Variants in RB1CC1 observed in about 807,000 individuals in gnomAD.
RB1CC1 encodes the protein RB1 inducible coiled-coil 1, also known as RB1-inducible coiled-coil protein 1.
A neutral mutation model predicts 177.5 loss-of-function variants in RB1CC1; 46 were observed. The ratio of observed to expected loss-of-function variants is 0.26; its 90% confidence interval spans 0.20 to 0.33. The LOEUF (loss-of-function observed/expected upper bound fraction) is 0.33. RB1CC1 is among the 10% of genes least tolerant of loss of function. RB1CC1 has a pLI of 1.00. For synonymous variants in RB1CC1, 666 were observed against 613.6 expected, an observed-to-expected ratio of 1.09 and a Z score of -1.26; for missense variants, 1,703 against 1,816.3, an observed-to-expected ratio of 0.94 and a Z score of 1.13.
intron 1 of RB1CC1, among the ~76,000 whole-genome samples, chr8:52,703,867 A>T (rs1382070018): frequency 6.6e-6 from 1 of 151,456 alleles, no homozygotes; most frequent in Non-Finnish European, 1.5e-5. Context: ...AACCATGGAT[A>T]AGGACTACGG....
chr8:52,696,759 T>TG (rs1286038073), intron 1 of RB1CC1, among the ~76,000 whole-genome samples: 1 of 152,162 alleles, frequency 6.6e-6, no homozygotes, highest in East Asian at 1.9e-4. Flanking sequence ...TTCTAGCACT[T>TG]TGGGAGGCCT....
At chr8:52,625,539 T>C (rs1848326669) in intron 22 of RB1CC1, among the ~76,000 whole-genome samples, 1 of 152,186 alleles carries the variant, frequency 6.6e-6, no homozygotes, top group South Asian at 2.1e-4. Context: ...GCCTTTCAAC[T>C]TATGATAAGG....
intron 15 of RB1CC1, among the ~76,000 whole-genome samples, chr8:52,653,328 T>C (rs954786106): frequency 5.1e-4 from 78 of 152,280 alleles, no homozygotes; most frequent in Admixed American, 5.0e-3. Flanking sequence ...AGAGGCCAGT[T>C]AGTGGCACTT....
At chr8:52,625,318 A>T (rs1208493777) in intron 22 of RB1CC1, among the ~76,000 whole-genome samples, 2 of 152,162 alleles carry the variant, frequency 1.3e-5, no homozygotes, top group African/African-American at 4.8e-5. Context: ...CAATAAATTA[A>T]TAAGGGCTAA....
chr8:52,677,473 G>A (rs554588701), intron 5 of RB1CC1, among the ~76,000 whole-genome samples: 22 of 152,248 alleles, frequency 1.4e-4, no homozygotes, highest in African/African-American at 5.3e-4. Flanking sequence ...CTAAGGTAAG[G>A]AAGGAGGAAT....
chr8:52,708,500 G>C (rs1293113168), intron 1 of RB1CC1, among the ~76,000 whole-genome samples: 1 of 151,748 alleles, frequency 6.6e-6, no homozygotes. Flanking sequence ...CTGGGCAACA[G>C]AGCGAGACTC....
Position 52,637,184 on chromosome 8 carries a change from C to T in RB1CC1, c.4338-1115G>A, listed in dbSNP as rs187793585. 9.9e-5 allele frequency among the ~76,000 whole-genome samples: 15 copies of T among 152,242 alleles called. No homozygotes were observed. In the East Asian group the frequency reaches 1.7e-3, roughly 18 times the overall value. Reference sequence around the variant, plus strand: ...TTTGGGGAGGGCTACCATCTTAAGGCGATTAAGTCTTCCAGTCAGTAAACA... The same window carrying T: ...TTTGGGGAGGGCTACCATCTTAAGGTGATTAAGTCTTCCAGTCAGTAAACA... On this transcript the variant is annotated intron_variant, in intron 18 of 23. Coordinates refer to ENST00000025008, the MANE Select transcript of RB1CC1 (RefSeq NM_014781.5).
intron 8 of RB1CC1, 31 bp from the exon 9 acceptor site, chr8:52,661,750 T>C: frequency 6.7e-7 from 1 of 1,481,652 alleles, no homozygotes; most frequent in Non-Finnish European, 9.0e-7. Flanking sequence ...CAAAGGACAT[T>C]AATTTTGTTT....
At chr8:52,693,189 A>C (rs1230524437) in intron 1 of RB1CC1, among the ~76,000 whole-genome samples, 1 of 152,234 alleles carries the variant, frequency 6.6e-6, no homozygotes, top group Non-Finnish European at 1.5e-5. Context: ...TACCTAGGCA[A>C]TACCATTCAG....
chr8:52,640,144 T>C (rs1366744000), intron 18 of RB1CC1, among the ~76,000 whole-genome samples: 1 of 152,270 alleles, frequency 6.6e-6, no homozygotes, highest in East Asian at 1.9e-4. Context: ...TAACTCAATT[T>C]TCATATTTAT....
intron 15 of RB1CC1, among the ~76,000 whole-genome samples, chr8:52,650,555 T>C (rs556650277): frequency 7.4e-4 from 112 of 152,262 alleles, no homozygotes; most frequent in African/African-American, 2.6e-3. Flanking sequence ...TCATGTAAAC[T>C]CTAAATCTAG....
chr8:52,674,287 A>C lies in RB1CC1; in HGVS notation c.573-13T>G. 1 of 1,567,758 alleles carries C rather than the reference A, an allele frequency of 6.4e-7. No individual in the cohort carries two copies. Among genetic ancestry groups the C allele is most frequent in the Non-Finnish European group, 8.8e-7 (1 of 1,139,504 alleles). ...TGCAGTTCCTAAACTTAAAATACAA[A>C]AGATCTGTCAGTAAAACTATGAGAC... On this transcript the variant is annotated splice_polypyrimidine_tract_variant and intron_variant, in intron 6 of 23. Transcript: ENST00000025008.
chr8:52,630,845 T>C (rs1460227623), intron 20 of RB1CC1, among the ~76,000 whole-genome samples: 3 of 152,184 alleles, frequency 2.0e-5, no homozygotes, highest in Non-Finnish European at 4.4e-5. Context: ...ATCTTTCATT[T>C]TGGAAAAACA....
At chr8:52,654,930 A>G (rs937257240) in intron 15 of RB1CC1, among the ~76,000 whole-genome samples, 4 of 152,150 alleles carry the variant, frequency 2.6e-5, no homozygotes, top group Non-Finnish European at 4.4e-5. Flanking sequence ...TTCATGCTGT[A>G]TTCAGAATTG....
intron 15 of RB1CC1, among the ~76,000 whole-genome samples, chr8:52,652,302 T>TA (rs1053515919): frequency 6.6e-6 from 1 of 151,908 alleles, no homozygotes; most frequent in Non-Finnish European, 1.5e-5. Context: ...CCATCTCTAC[T>TA]AAAAATACAA....
In RB1CC1 at chr8:52,624,779, C is replaced by A; in HGVS notation, c.4645G>T (p.Ala1549Ser). The change falls in exon 23 of 24, where the codon GCA becomes TCA. Residue 1549 changes from alanine (A) to serine (S), a missense_variant. Ala to Ser is a moderately conservative substitution (Grantham distance 99). Around this residue, in one of 6 missense-constraint regions of RB1CC1, gnomAD observed 70 missense variants for 118.0 expected, o/e 0.59. Transcript: ENST00000025008. ...DLKPGEGASG[A>S]SRRPWVLGKV... The stretch of plus-strand genomic sequence containing the variant: ...CCAAGTACCCAGGGTCTTCTAGATG[C>A]ACCTGAAGCTAATGAAATTAAATAG... 1 of 1,552,670 alleles carries A rather than the reference C, an allele frequency of 6.4e-7. No individual in the cohort carries two copies.
chr8:52,631,121 C>T (rs139280574), intron 20 of RB1CC1, among the ~76,000 whole-genome samples: 37 of 152,068 alleles, frequency 2.4e-4, no homozygotes, highest in African/African-American at 8.4e-4. Flanking sequence ...GGTAAATGTG[C>T]GATTTGTGAG....
chr8:52,680,986 G>A (rs551458134), intron 5 of RB1CC1, among the ~76,000 whole-genome samples: 1,351 of 124,156 alleles, frequency 0.011, 7 homozygotes, highest in Non-Finnish European at 0.015. Context: ...GTGTGTGTGT[G>A]TGTGTGTGTT....
At chr8:52,675,816 G>A (rs918253016) in intron 6 of RB1CC1, among the ~76,000 whole-genome samples, 1 of 150,954 alleles carries the variant, frequency 6.6e-6, no homozygotes, top group African/African-American at 2.4e-5. Context: ...AAACCTGGGA[G>A]GTGGAGGTTG....
Sources: allele counts gnomAD v4.1 joint callset (sites outside exome capture counted in the v4.1 genomes callset), GRCh38; gene constraint gnomAD v4.1.1; regional missense constraint gnomAD v4.1.1; transcripts MANE v1.5; gene names NCBI Gene and HGNC (gene_info 2026-07-23, HGNC 2026-07-21).